The following PARN variants were observed in gnomAD, a reference collection of about 807,000 sequenced individuals.
PARN encodes the protein poly(A)-specific ribonuclease.
In PARN, 71 loss-of-function variants were observed where a neutral mutation model predicts 102.8. That is an observed-to-expected ratio of 0.69 (90% CI 0.57 to 0.84). The LOEUF is 0.84. PARN is among the 40% of genes least tolerant of loss of function. The pLI is 0.00. For missense variants in PARN, 782 were observed against 760.9 expected (o/e 1.03, Z -0.33); for synonymous variants, 261 against 252.9 (o/e 1.03, Z -0.30).
chr16:14,562,683 T>C (rs1467807479), intron 18 of PARN, among the ~76,000 whole-genome samples: 1 of 152,102 alleles, frequency 6.6e-6, no homozygotes, highest in Non-Finnish European at 1.5e-5. Context: ...AACTACTCTC[T>C]TGGCAACTCA....
At chr16:14,500,421 G>A (rs1156575399) in intron 21 of PARN, among the ~76,000 whole-genome samples, 1 of 151,524 alleles carries the variant, frequency 6.6e-6, no homozygotes, top group Non-Finnish European at 1.5e-5. Flanking sequence ...TTTAAGACAG[G>A]GTCTCACTAT....
Position 14,630,237 on chromosome 16 carries a change from A to T in PARN, c.-112T>A. On this transcript the variant is annotated 5_prime_UTR_variant, in exon 1 of 24. Coordinates refer to ENST00000437198, the MANE Select transcript of PARN (RefSeq NM_002582.4). ...AGTAGCTGAGGCAGCCGCAGCGGTG[A>T]CGCCGGCCGCGACTTCCGGAAACAG... is the stretch of plus-strand genomic sequence containing the variant. The T allele has an allele frequency of 1.0e-6, 1 of 952,384 alleles. No homozygotes were observed. Among genetic ancestry groups the T allele is most frequent in the Non-Finnish European group, 1.6e-6 (1 of 640,140 alleles). The allele number at this position is 952,384 out of a possible 1,614,324, so 59.0% of individuals were successfully genotyped here.
At chr16:14,597,693 T>C (rs1970608852) in intron 12 of PARN, among the ~76,000 whole-genome samples, 1 of 148,106 alleles carries the variant, frequency 6.8e-6, no homozygotes. Context: ...CAAGACTCCA[T>C]CTCAAAAAAA....
intron 13 of PARN, among the ~76,000 whole-genome samples, chr16:14,590,273 A>AG (rs1263688781): frequency 2.1e-4 from 28 of 134,820 alleles, no homozygotes; most frequent in Non-Finnish European, 3.5e-4. Context: ...GAAAGAGAAG[A>AG]GAAAAAAAAA....
chr16:14,546,144 A>C (rs1966926423), intron 21 of PARN, among the ~76,000 whole-genome samples: 3 of 152,250 alleles, frequency 2.0e-5, no homozygotes, highest in Admixed American at 2.0e-4. Flanking sequence ...AGATTCTGCA[A>C]ACATCAAAAG....
At chr16:14,560,139 C>T (rs1010714450) in intron 18 of PARN, among the ~76,000 whole-genome samples, 2 of 152,198 alleles carry the variant, frequency 1.3e-5, no homozygotes, top group Admixed American at 6.5e-5. Flanking sequence ...TCACATATGC[C>T]TCATCCAACT....
At chr16:14,609,821 T>A (rs1016336263) in intron 7 of PARN, among the ~76,000 whole-genome samples, 3 of 152,238 alleles carry the variant, frequency 2.0e-5, no homozygotes, top group African/African-American at 7.2e-5. Context: ...ACAGGCTGGA[T>A]AAGCCTGATC....
At chr16:14,560,474 C>A (rs1267990297) in intron 18 of PARN, among the ~76,000 whole-genome samples, 1 of 152,322 alleles carries the variant, frequency 6.6e-6, no homozygotes, top group Admixed American at 6.5e-5. Context: ...TTATCAAACA[C>A]TAAAATTAAA....
intron 18 of PARN, among the ~76,000 whole-genome samples, chr16:14,575,670 T>C (rs1054768480): frequency 6.6e-6 from 1 of 152,138 alleles, no homozygotes; most frequent in Non-Finnish European, 1.5e-5. Flanking sequence ...AAATGAGAGT[T>C]TGGACTGTGG....
chr16:14,621,461 A>C (rs1972293362), intron 5 of PARN, among the ~76,000 whole-genome samples: 1 of 152,198 alleles, frequency 6.6e-6, no homozygotes, highest in South Asian at 2.1e-4. Context: ...TATACATTTA[A>C]ATACGGTTAG....
intron 23 of PARN, among the ~76,000 whole-genome samples, chr16:14,446,352 T>C (rs1961197971): frequency 6.6e-6 from 1 of 152,208 alleles, no homozygotes; most frequent in South Asian, 2.1e-4. Context: ...GATTCCCACC[T>C]CAGGGCTACG....
chr16:14,443,930 G>A (rs2151553120), intron 23 of PARN, among the ~76,000 whole-genome samples: 1 of 152,240 alleles, frequency 6.6e-6, no homozygotes, highest in African/African-American at 2.4e-5. Context: ...GTCGCGCCGT[G>A]CCTAGCACTC....
intron 22 of PARN, among the ~76,000 whole-genome samples, chr16:14,468,994 A>T (rs910232552): frequency 2.6e-5 from 4 of 152,056 alleles, no homozygotes; most frequent in African/African-American, 4.8e-5. Flanking sequence ...AAACACACAT[A>T]AAAAAACGAC....
chr16:14,534,410 C>T (rs1455121905), intron 21 of PARN, among the ~76,000 whole-genome samples: 1 of 152,042 alleles, frequency 6.6e-6, no homozygotes, highest in Non-Finnish European at 1.5e-5. Flanking sequence ...GAGGCTTACC[C>T]TCCATCTTAA....
intron 18 of PARN, chr16:14,578,712 G>A (rs1969318187): frequency 6.6e-6 from 1 of 151,852 alleles, no homozygotes; most frequent in African/African-American, 2.4e-5. Flanking sequence ...AAATCTTGCA[G>A]GAATATTTTT....
At chr16:14,544,950 G>A (rs1201555769) in intron 21 of PARN, among the ~76,000 whole-genome samples, 1 of 152,190 alleles carries the variant, frequency 6.6e-6, no homozygotes, top group Non-Finnish European at 1.5e-5. Flanking sequence ...ACTTTGGGAG[G>A]CTGAGGTGGG....
Position 14,482,835 on chromosome 16 carries a change from G to A in PARN, c.1481-8C>T, listed in dbSNP as rs1365036366. On this transcript the variant is annotated splice_polypyrimidine_tract_variant and splice_region_variant and intron_variant, in intron 21 of 23. Transcript: ENST00000437198. ...ATTTGCTGGTATTGACAGCTACAAG[G>A]AAAAGAAAAAAAAATAAAATGCTTA... The A allele has an allele frequency of 1.0e-5, 16 of 1,576,322 alleles. No homozygotes were observed. Among genetic ancestry groups the A allele is most frequent in the Middle Eastern group, 1.7e-4 (1 of 5,888 alleles).
intron 22 of PARN, among the ~76,000 whole-genome samples, chr16:14,450,469 G>A (rs773397269): frequency 6.6e-6 from 1 of 152,020 alleles, no homozygotes; most frequent in Non-Finnish European, 1.5e-5. Context: ...TACGGGTTTA[G>A]GCTTGTGATT....
intron 18 of PARN, chr16:14,565,087 A>G (rs1055835943): frequency 4.6e-5 from 7 of 152,302 alleles, no homozygotes; most frequent in African/African-American, 1.4e-4. Context: ...AAAGCACTTC[A>G]TAAGAACCCT....
Sources: gnomAD v4.1 joint callset for allele counts (sites outside exome capture counted in the v4.1 genomes callset) on GRCh38, gnomAD v4.1.1 for gene constraint, MANE v1.5 for transcripts, NCBI Gene and HGNC (gene_info 2026-07-23, HGNC 2026-07-21) for gene names.